FOCAD: variants seen among roughly 807,000 people sequenced by gnomAD.
FOCAD encodes the protein focadhesin.
FOCAD carries 198 observed loss-of-function variants against 225.6 expected under a neutral mutation model. The ratio of observed to expected loss-of-function variants is 0.88; its 90% CI spans 0.78 to 0.99. The LOEUF is 0.99. Ranked by LOEUF, FOCAD falls within the 50% of genes least tolerant of loss-of-function variation. The probability of loss-of-function intolerance (pLI) is 0.00; values close to 1 mark genes in which losing one functional copy is unlikely to be tolerated. For missense variants in FOCAD, 2,713 were observed against 2,123.6 expected (o/e 1.28, Z -5.46); for synonymous variants, 897 against 755.0 (o/e 1.19, Z -3.08).
intron 2 of FOCAD, among the ~76,000 whole-genome samples, chr9:20,679,121 ATGTGTG>A (rs539231126): frequency 0.018 from 2,215 of 121,976 alleles, 20 homozygotes; most frequent in African/African-American, 0.029. Flanking sequence ...CAGTCTGTGT[ATGTGTG>A]TGTGTGTGTG....
chr9:20,775,206 T>C (rs190841647), intron 8 of FOCAD, among the ~76,000 whole-genome samples: 2 of 152,354 alleles, frequency 1.3e-5, no homozygotes, highest in Admixed American at 1.3e-4. Flanking sequence ...GGATTCGGTC[T>C]TAGTTGAGCC....
chr9:20,932,047 C>T (rs1205733020), intron 27 of FOCAD, among the ~76,000 whole-genome samples: 1 of 152,042 alleles, frequency 6.6e-6, no homozygotes, highest in East Asian at 1.9e-4. Flanking sequence ...TTGCTTCTGT[C>T]ATAACCCCCA....
At chr9:20,823,383 A>G (rs189271275) in intron 15 of FOCAD, among the ~76,000 whole-genome samples, 1 of 152,198 alleles carries the variant, frequency 6.6e-6, no homozygotes, top group East Asian at 1.9e-4. Flanking sequence ...TTGTTAAAAC[A>G]AAAGGGAAAG....
chr9:20,778,965 G>A (rs1351689848), intron 9 of FOCAD, among the ~76,000 whole-genome samples, 197 bp downstream of exon 9: 1 of 152,090 alleles, frequency 6.6e-6, no homozygotes, highest in Non-Finnish European at 1.5e-5. Flanking sequence ...AATTTACCAA[G>A]TATCTCGGCT....
At chr9:20,656,473 T>C (rs375184593), upstream of FOCAD, among the ~76,000 whole-genome samples, 35 of 152,244 alleles carry the variant, frequency 2.3e-4, no homozygotes, top group Middle Eastern at 3.4e-3. Context: ...GTATTGGGTG[T>C]ATATATATTT....
chr9:20,687,241 A>G (rs193301848), intron 1 of FOCAD, among the ~76,000 whole-genome samples: 17 of 152,310 alleles, frequency 1.1e-4, no homozygotes, highest in Non-Finnish European at 2.5e-4. Flanking sequence ...GTTTATTACT[A>G]TTATTTAAAG....
intron 1 of FOCAD, among the ~76,000 whole-genome samples, chr9:20,705,088 A>G (rs1309353683): frequency 6.6e-6 from 1 of 152,204 alleles, no homozygotes; most frequent in African/African-American, 2.4e-5. Context: ...TAAAATGAGT[A>G]ACTATCTCCG....
chr9:20,890,971 T>C (rs1406221717), intron 21 of FOCAD, among the ~76,000 whole-genome samples: 2 of 152,148 alleles, frequency 1.3e-5, no homozygotes. Context: ...CAGCCCTGTA[T>C]TGAGCAATTA....
chr9:20,871,452 T>G (rs1829758022), intron 18 of FOCAD, among the ~76,000 whole-genome samples: 2 of 151,934 alleles, frequency 1.3e-5, no homozygotes, highest in African/African-American at 4.8e-5. Context: ...CAGGAATTCT[T>G]TCAACTGAGT....
At position 20,913,153 on chromosome 9, in the gene FOCAD, C is replaced by A. The variant is rs187227478; in HGVS notation, c.2807+199C>A. On this transcript the variant is annotated intron_variant, in intron 23 of 43. Transcript: ENST00000338382. Reference sequence around the variant, plus strand: ...TATTTATAAATTATACATACACACACACACACACACACACACACACACACA... The same window carrying A: ...TATTTATAAATTATACATACACACAAACACACACACACACACACACACACA... Among the ~76,000 whole-genome samples the A allele has an allele frequency of 5.7e-5, 8 of 140,410 alleles. No homozygotes were observed. In the East Asian group the frequency reaches 1.5e-3, roughly 25 times the overall value. The allele number at this position is 140,410 out of a possible 152,430, so 92.1% of individuals were successfully genotyped here.
intron 15 of FOCAD, among the ~76,000 whole-genome samples, chr9:20,834,527 T>A (rs1217394853): frequency 2.6e-5 from 4 of 152,128 alleles, no homozygotes; most frequent in African/African-American, 9.7e-5. Flanking sequence ...TGTATTTGTA[T>A]AATAGAATAC....
chr9:20,899,421 C>T, intron 21 of FOCAD, among the ~76,000 whole-genome samples: 1 of 151,946 alleles, frequency 6.6e-6, no homozygotes, highest in Non-Finnish European at 1.5e-5. Context: ...CTGTGAGTTT[C>T]TGCTTTGATA....
At chr9:20,952,767 C>T (rs1837799747) in intron 34 of FOCAD, among the ~76,000 whole-genome samples, 1 of 151,996 alleles carries the variant, frequency 6.6e-6, no homozygotes, top group Admixed American at 6.6e-5. Context: ...CTAACTTTGC[C>T]ACCATTTTAG....
chr9:20,779,727 G>C (rs962215607), intron 9 of FOCAD, among the ~76,000 whole-genome samples: 3 of 151,368 alleles, frequency 2.0e-5, no homozygotes, highest in Admixed American at 2.0e-4. Flanking sequence ...TCCAGCTTGG[G>C]CAACAAGAGC....
chr9:20,967,325 G>C (rs998786806), intron 35 of FOCAD, among the ~76,000 whole-genome samples: 1 of 151,930 alleles, frequency 6.6e-6, no homozygotes, highest in East Asian at 1.9e-4. Context: ...ATTATTCACT[G>C]CCAGAATATA....
At chr9:20,761,717 G>C (rs1050898275) in intron 6 of FOCAD, among the ~76,000 whole-genome samples, 1 of 152,086 alleles carries the variant, frequency 6.6e-6, no homozygotes, top group African/African-American at 2.4e-5. Flanking sequence ...ACCGTGCCTG[G>C]CCCAAGCCTC....
intron 2 of FOCAD, among the ~76,000 whole-genome samples, chr9:20,678,616 C>A (rs1354950638): frequency 1.3e-5 from 2 of 152,194 alleles, no homozygotes; most frequent in Non-Finnish European, 2.9e-5. Flanking sequence ...ATAACTGCAG[C>A]ACAGGCTTCC....
intron 21 of FOCAD, among the ~76,000 whole-genome samples, chr9:20,892,490 C>A (rs1467935212): frequency 1.3e-5 from 2 of 152,014 alleles, no homozygotes; most frequent in Admixed American, 6.6e-5. Flanking sequence ...CTTGGATGAC[C>A]TTGAGGGGTT....
chr9:20,690,747 C>G (rs117751665), intron 1 of FOCAD, among the ~76,000 whole-genome samples: 3,786 of 152,078 alleles, frequency 0.025, 79 homozygotes, highest in Non-Finnish European at 0.039. Flanking sequence ...GGGGGTCTTA[C>G]CATGTTGCTC....
Sources: allele counts gnomAD v4.1 joint callset (sites outside exome capture counted in the v4.1 genomes callset), GRCh38; gene constraint gnomAD v4.1.1; transcripts MANE v1.5; gene names NCBI Gene and HGNC (gene_info 2026-07-23, HGNC 2026-07-21).